The following ANXA2 variants were observed in gnomAD, a reference collection of about 807,000 sequenced individuals.
The protein encoded by ANXA2 is annexin A2.
In ANXA2, 28 loss-of-function variants were observed where a neutral mutation model predicts 47.3. That is an observed-to-expected ratio of 0.59 (90% confidence interval 0.44 to 0.81). The LOEUF (loss-of-function observed/expected upper bound fraction) is 0.81, where lower values mean the gene tolerates loss of function less well. Ranked by LOEUF, ANXA2 falls within the 40% of genes least tolerant of loss-of-function variation. ANXA2 has a pLI of 0.00. For missense variants in ANXA2, 384 were observed against 414.3 expected (o/e 0.93, Z 0.64); for synonymous variants, 172 against 155.5 (o/e 1.11, Z -0.79).
At chr15:60,380,902 G>A (rs941728502) in intron 3 of ANXA2, among the ~76,000 whole-genome samples, 1 of 151,640 alleles carries the variant, frequency 6.6e-6, no homozygotes, top group Non-Finnish European at 1.5e-5. Context: ...CTGGGGGGTG[G>A]TCCACAGCAA....
rs1200174275 is a variant in ANXA2, at chr15:60,351,651, T to C, written c.778+73A>G. The C allele has an allele frequency of 3.1e-6, 3 of 958,368 alleles. No individual in the cohort carries two copies. In the African/African-American group the frequency reaches 4.8e-5, roughly 15 times the overall value. 59.4% of individuals were successfully genotyped at this position (958,368 alleles called of 1,614,324 possible). ...CCACACCTCCCAAACACATTTGGAT[T>C]AACAGGATGGCCATCTGTCACTTCT... On this transcript the variant is annotated intron_variant, in intron 10 of 12. Transcript: ENST00000451270.
At chr15:60,392,436 G>A (rs565273011) in intron 1 of ANXA2, among the ~76,000 whole-genome samples, 1 of 151,026 alleles carries the variant, frequency 6.6e-6, no homozygotes, top group African/African-American at 2.4e-5. Context: ...AGATTTTATT[G>A]TATTCTATTG....
intron 3 of ANXA2, among the ~76,000 whole-genome samples, chr15:60,376,326 A>G (rs1385298169): frequency 6.6e-6 from 1 of 152,026 alleles, no homozygotes; most frequent in Non-Finnish European, 1.5e-5. Flanking sequence ...GGTTGCAGTG[A>G]GCCGACATTG....
chr15:60,351,658 A>G (rs1648358295), intron 10 of ANXA2, 66 bp downstream of exon 10: 1 of 1,018,500 alleles, frequency 9.8e-7, no homozygotes, highest in Admixed American at 1.7e-5. Context: ...GATTAACAGG[A>G]TGGCCATCTG....
At chr15:60,382,488 C>T in intron 2 of ANXA2, 47 bp from the exon 3 acceptor site, 1 of 1,359,606 alleles carries the variant, frequency 7.4e-7, no homozygotes, top group South Asian at 1.2e-5. Flanking sequence ...ATTTAAAATC[C>T]TCTTGTTGAA....
chr15:60,364,420 T>C lies in ANXA2; in HGVS notation c.243+9A>G. On this transcript the variant is annotated intron_variant, in intron 4 of 12. Coordinates refer to ENST00000451270, the MANE Select transcript of ANXA2 (RefSeq NM_004039.3). ...AAGAAATGCCCTCCATCCCTGGAAT[T>C]GCCTGTACCTTTTTGGTCCTTCTCT... 6.2e-7 allele frequency: 1 copy of C among 1,606,290 alleles called. No individual in the cohort carries two copies. Among genetic ancestry groups the C allele is most frequent in the Non-Finnish European group, 8.5e-7 (1 of 1,176,516 alleles).
At chr15:60,353,854 C>T (rs1028931038) in intron 8 of ANXA2, among the ~76,000 whole-genome samples, 3 of 152,158 alleles carry the variant, frequency 2.0e-5, no homozygotes, top group African/African-American at 7.2e-5. Flanking sequence ...CTAAGGTCTC[C>T]TACCAACAGT....
intron 11 of ANXA2, among the ~76,000 whole-genome samples, chr15:60,350,790 G>A (rs1895973422): frequency 6.6e-6 from 1 of 152,040 alleles, no homozygotes; most frequent in East Asian, 1.9e-4. Flanking sequence ...AGCCTCAGAG[G>A]TTGTTATGCA....
chr15:60,361,826 C>T (rs74017177), intron 4 of ANXA2, among the ~76,000 whole-genome samples: 2,153 of 152,166 alleles, frequency 0.014, 50 homozygotes, highest in African/African-American at 0.05. Flanking sequence ...TGTCTTTTAG[C>T]GATGCTTCCT....
At chr15:60,366,271 G>A (rs1259022727) in intron 3 of ANXA2, among the ~76,000 whole-genome samples, 2 of 151,058 alleles carry the variant, frequency 1.3e-5, no homozygotes, top group African/African-American at 2.4e-5. Flanking sequence ...CCGCCACCCC[G>A]TCTGGGAAGT....
At chr15:60,386,204 A>C in intron 1 of ANXA2, 118 bp from the exon 2 acceptor site, 1 of 707,448 alleles carries the variant, frequency 1.4e-6, no homozygotes, top group South Asian at 1.9e-5. Context: ...ATATTGGAGT[A>C]GTTTTTGCAA....
intron 3 of ANXA2, among the ~76,000 whole-genome samples, chr15:60,378,171 C>G (rs901012360): frequency 1.1e-4 from 16 of 152,120 alleles, no homozygotes; most frequent in African/African-American, 3.9e-4. Flanking sequence ...TTTCTTGATG[C>G]AACTGACACA....
intron 1 of ANXA2, among the ~76,000 whole-genome samples, chr15:60,389,934 A>G (rs1024362178): frequency 6.6e-6 from 1 of 152,084 alleles, no homozygotes; most frequent in Non-Finnish European, 1.5e-5. Context: ...TCATTCATCC[A>G]TTCGGCAGAA....
Position 60,366,802 on chromosome 15 carries a change from CG to C in ANXA2, c.149-2280del, listed in dbSNP as rs1221245522. Among the ~76,000 whole-genome samples, 13 of 1,314 alleles carry C rather than the reference CG, an allele frequency of 9.9e-3. 2 individuals carry two copies. Among genetic ancestry groups the C allele is most frequent in the Admixed American group, 0.017 (3 of 172 alleles). 0.9% of individuals were successfully genotyped at this position (1,314 alleles called of 152,430 possible). On this transcript the variant is annotated intron_variant, in intron 3 of 12. Transcript: ENST00000451270. ...CCAGCCGCCCCGTCCGGGAGGGAGG[CG>C]GGGGGGGGGGGGGTCGGCCAGCCGC...
intron 1 of ANXA2, chr15:60,396,356 A>T (rs2063080531): frequency 6.6e-6 from 1 of 152,176 alleles, no homozygotes; most frequent in Non-Finnish European, 1.5e-5. Flanking sequence ...GGGAAGGAGG[A>T]AGGAATGCAG....
chr15:60,380,804 C>CAAAAAA (rs61570476), intron 3 of ANXA2, among the ~76,000 whole-genome samples: 3 of 61,182 alleles, frequency 4.9e-5, no homozygotes, highest in Admixed American at 2.1e-4. Context: ...AACTCCATCT[C>CAAAAAA]AAAAAAAAAA....
chr15:60,381,185 T>C (rs1723720309), intron 3 of ANXA2, among the ~76,000 whole-genome samples: 1 of 152,178 alleles, frequency 6.6e-6, no homozygotes, highest in African/African-American at 2.4e-5. Context: ...TGGTTGAGGT[T>C]TCTCAGTCTT....
At chr15:60,359,390 C>T (rs2062478965) in intron 5 of ANXA2, among the ~76,000 whole-genome samples, 1 of 152,192 alleles carries the variant, frequency 6.6e-6, no homozygotes, top group African/African-American at 2.4e-5. Flanking sequence ...GAGAGGCTGA[C>T]TCATCCCTGC....
intron 5 of ANXA2, among the ~76,000 whole-genome samples, chr15:60,358,615 C>T (rs1035562770): frequency 7.2e-5 from 11 of 152,164 alleles, no homozygotes; most frequent in South Asian, 2.1e-4. Context: ...AACCTTTGAG[C>T]CAATGGCTCT....
Sources: allele counts gnomAD v4.1 joint callset (sites outside exome capture counted in the v4.1 genomes callset), GRCh38; gene constraint gnomAD v4.1.1; transcripts MANE v1.5; gene names NCBI Gene and HGNC (gene_info 2026-07-23, HGNC 2026-07-21).